CTNNA2: variants seen among roughly 807,000 people sequenced by gnomAD.
The protein encoded by CTNNA2 is catenin alpha 2, also known as catenin alpha-2.
CTNNA2 carries 42 observed loss-of-function variants against 101.0 expected under a neutral mutation model. That is an observed-to-expected ratio of 0.42 (90% CI 0.32 to 0.54). The LOEUF (loss-of-function observed/expected upper bound fraction) is 0.54, where lower values mean the gene tolerates loss of function less well. CTNNA2 is among the 20% of genes least tolerant of loss of function. CTNNA2 has a pLI of 0.14. For synonymous variants in CTNNA2, 450 were observed against 456.4 expected, an observed-to-expected ratio of 0.99 and a Z score of 0.18; for missense variants, 871 against 1,223.1, an observed-to-expected ratio of 0.71 and a Z score of 4.29.
chr2:79,794,897 G>A (rs962620556), intron 3 of CTNNA2, among the ~76,000 whole-genome samples: 3 of 152,104 alleles, frequency 2.0e-5, no homozygotes, highest in Non-Finnish European at 4.4e-5. Context: ...GGAGCCGTGC[G>A]GTTGATTTTC....
At chr2:79,991,569 C>T (rs934566425) in intron 7 of CTNNA2, among the ~76,000 whole-genome samples, 1 of 152,170 alleles carries the variant, frequency 6.6e-6, no homozygotes, top group Non-Finnish European at 1.5e-5. Context: ...GTACAGTAAA[C>T]GTAGTGCTCG....
intron 7 of CTNNA2, among the ~76,000 whole-genome samples, chr2:80,342,545 A>G (rs1265450888): frequency 6.6e-6 from 1 of 152,240 alleles, no homozygotes; most frequent in Non-Finnish European, 1.5e-5. Flanking sequence ...TTTTATTTGA[A>G]GAGTTTTATT....
chr2:80,001,755 T>G (rs1692967207), intron 7 of CTNNA2, among the ~76,000 whole-genome samples: 2 of 152,196 alleles, frequency 1.3e-5, no homozygotes, highest in Non-Finnish European at 2.9e-5. Flanking sequence ...CACAGCCTCC[T>G]GTGCCTCACC....
intron 9 of CTNNA2, among the ~76,000 whole-genome samples, chr2:80,525,623 TTTG>T (rs557437799): frequency 5.3e-5 from 8 of 152,188 alleles, no homozygotes; most frequent in Non-Finnish European, 1.0e-4. Context: ...AATGTTTGCT[TTTG>T]TTTTCTCTCC....
chr2:80,431,282 C>G (rs1681483180), intron 9 of CTNNA2, among the ~76,000 whole-genome samples: 1 of 152,120 alleles, frequency 6.6e-6, no homozygotes, highest in South Asian at 2.1e-4. Flanking sequence ...ACTTTCAACC[C>G]TTACCTTAAC....
rs183742139 is a variant in CTNNA2, at chr2:80,535,873, T to G, written c.1291-9109T>G. Among the ~76,000 whole-genome samples, 75 of 152,240 alleles carry G rather than the reference T, an allele frequency of 4.9e-4. 1 individual carries two copies. The highest frequency in any genetic ancestry group is 2.1e-3 in the Admixed American group (32 of 15,284). On this transcript the variant is annotated intron_variant, in intron 9 of 18. Coordinates refer to ENST00000402739, the MANE Select transcript of CTNNA2 (RefSeq NM_001282597.3). ...CATTTTAAAATGATTCCATAATACCTCAGCAGGAAAGCGAGACAACTCCTA... is the reference window on the plus strand; with the variant it reads ...CATTTTAAAATGATTCCATAATACCGCAGCAGGAAAGCGAGACAACTCCTA...
intron 3 of CTNNA2, among the ~76,000 whole-genome samples, chr2:79,337,427 G>A (rs919368122): frequency 6.6e-6 from 1 of 152,044 alleles, no homozygotes; most frequent in Non-Finnish European, 1.5e-5. Context: ...ATGTACATGT[G>A]GCCAACAAAT....
intron 9 of CTNNA2, among the ~76,000 whole-genome samples, chr2:80,543,932 T>C (rs780346111): frequency 6.6e-6 from 1 of 152,188 alleles, no homozygotes; most frequent in Non-Finnish European, 1.5e-5. Flanking sequence ...CCTTCTCCTC[T>C]TCTTTGACTT....
chr2:79,280,656 T>TGTGTGTGTGTGTGTGTGTGAGAGA (rs1337075035), intron 2 of CTNNA2, among the ~76,000 whole-genome samples: 1 of 96,676 alleles, frequency 1.0e-5, no homozygotes, highest in Non-Finnish European at 2.1e-5. Flanking sequence ...TGTGTGTGTG[T>TGTGTGTGTGTGTGTGTGTGAGAGA]AAGAGAAAGA....
Position 79,475,075 on chromosome 2 carries a change from T to C in CTNNA2, c.-134-29979T>C, listed in dbSNP as rs192158424. On this transcript the variant is annotated intron_variant, in intron 4 of 21. Transcript: ENST00000466387. ...ACATAGAACAAAAGTTATCTCTAAA[T>C]GTAATACAAGTGAAGACTCTGAGGA... 2.6e-3 allele frequency among the ~76,000 whole-genome samples: 380 copies of C among 148,804 alleles called. 2 individuals are homozygous for C. Among genetic ancestry groups the C allele is most frequent in the South Asian group, 5.9e-3 (28 of 4,744 alleles).
At chr2:79,243,941 C>G (rs1489111923) in intron 2 of CTNNA2, among the ~76,000 whole-genome samples, 1 of 152,156 alleles carries the variant, frequency 6.6e-6, no homozygotes, top group African/African-American at 2.4e-5. Flanking sequence ...ATAGCAGCTG[C>G]TTATACCTTT....
intron 3 of CTNNA2, among the ~76,000 whole-genome samples, chr2:79,372,237 C>T (rs1022702301): frequency 9.2e-5 from 14 of 152,172 alleles, no homozygotes; most frequent in Admixed American, 3.9e-4. Flanking sequence ...CAAAATAGCA[C>T]TGCACCCTAG....
rs1677299983 is a variant in CTNNA2, at chr2:79,347,973, AT to A, written c.-317-25857del. Among the ~76,000 whole-genome samples the A allele has an allele frequency of 2.0e-5, 3 of 152,166 alleles. No individual in the cohort carries two copies. In the South Asian group the frequency reaches 6.2e-4, roughly 32 times the overall value. Reference sequence around the variant, plus strand: ...GGCACACCCCATTTAATAAATCAGGATCCAGAGAGAAGAACAGTTGTCACTG... The same window carrying A: ...GGCACACCCCATTTAATAAATCAGGACCAGAGAGAAGAACAGTTGTCACTG... On this transcript the variant is annotated intron_variant, in intron 3 of 21. Transcript: ENST00000466387.
intron 3 of CTNNA2, among the ~76,000 whole-genome samples, chr2:79,842,646 C>T (rs1254023446): frequency 6.6e-6 from 1 of 151,958 alleles, no homozygotes; most frequent in Non-Finnish European, 1.5e-5. Context: ...AGCTGACTAT[C>T]TCATGTGACC....
rs531173279 is a variant in CTNNA2, at chr2:79,272,666, T to A, written c.-405-40043T>A. Among the ~76,000 whole-genome samples the A allele has an allele frequency of 7.2e-5, 11 of 152,250 alleles. No homozygotes were observed. The East Asian group carries it at 2.1e-3, about 30-fold the overall frequency. On this transcript the variant is annotated intron_variant, in intron 2 of 21. Transcript: ENST00000466387. The stretch of plus-strand genomic sequence containing the variant: ...AATACCTTGCCACTGTAAATTGGAT[T>A]TTTAAAATTTTGTTTTATTAAACAA...
chr2:80,282,926 T>C (rs2149163337), intron 7 of CTNNA2, among the ~76,000 whole-genome samples: 1 of 152,188 alleles, frequency 6.6e-6, no homozygotes. Context: ...GAGAAGATAT[T>C]GGTCAAAATC....
At chr2:80,068,138 C>G (rs796619787) in intron 7 of CTNNA2, among the ~76,000 whole-genome samples, 2 of 152,104 alleles carry the variant, frequency 1.3e-5, no homozygotes, top group South Asian at 4.2e-4. Context: ...AGCATAGATG[C>G]GCTGGCAGAT....
At chr2:80,400,654 T>C (rs1427501269) in intron 8 of CTNNA2, among the ~76,000 whole-genome samples, 3 of 152,306 alleles carry the variant, frequency 2.0e-5, no homozygotes, top group East Asian at 3.9e-4. Context: ...CCCACTGTGA[T>C]CCACTTTTCA....
intron 4 of CTNNA2, among the ~76,000 whole-genome samples, chr2:79,443,903 ACTCTCTCTCTCTCTCTCT>A (rs3979544): frequency 2.8e-5 from 4 of 141,804 alleles, no homozygotes; most frequent in Admixed American, 7.1e-5. Context: ...TTGTATACAT[ACTCTCTCTCTCTCTCTCT>A]CTCTCTCTCT....
Sources: allele counts gnomAD v4.1 joint callset (sites outside exome capture counted in the v4.1 genomes callset), GRCh38; gene constraint gnomAD v4.1.1; transcripts MANE v1.5; gene names NCBI Gene and HGNC (gene_info 2026-07-23, HGNC 2026-07-21).